TENM2: variants seen among roughly 807,000 people sequenced by gnomAD.
TENM2 encodes teneurin transmembrane protein 2.
TENM2 carries 52 observed loss-of-function variants against 245.2 expected under a neutral mutation model. That is an observed-to-expected ratio of 0.21 (90% CI 0.17 to 0.27). The LOEUF is 0.27. Among genes scored for constraint, TENM2 ranks in the 10% least tolerant of loss-of-function variants. The pLI, the probability that TENM2 is intolerant of heterozygous loss-of-function variation, is 1.00. For synonymous variants in TENM2, 1,363 were observed against 1,438.9 expected (o/e 0.95, Z 1.19); for missense variants, 3,046 against 3,666.8 (o/e 0.83, Z 4.37).
intron 5 of TENM2, among the ~76,000 whole-genome samples, chr5:168,021,982 A>G (rs1007198218): frequency 6.6e-6 from 1 of 152,210 alleles, no homozygotes; most frequent in Non-Finnish European, 1.5e-5. Flanking sequence ...AGATACTGTC[A>G]TCAACTGCAT....
rs1759076077 is a variant in TENM2, at chr5:167,353,497, G to GTTGTTT, written c.227-21698_227-21693dup. On this transcript the variant is annotated intron_variant, in intron 1 of 28. Transcript: ENST00000518659. The stretch of plus-strand genomic sequence containing the variant: ...GTATATGGTGTTTTTTGTTGTTGTT[G>GTTGTTT]TTGTTTTTTTTTTTTTTTTTTTTTT... 9.1e-4 allele frequency among the ~76,000 whole-genome samples: 63 copies of GTTGTTT among 68,940 alleles called. 2 individuals carry two copies. The highest frequency in any genetic ancestry group is 3.2e-3 in the African/African-American group (58 of 18,024). The allele number at this position is 68,940 out of a possible 152,430, so 45.2% of individuals were successfully genotyped here.
chr5:167,458,605 C>T (rs767336612), intron 2 of TENM2, among the ~76,000 whole-genome samples: 2 of 150,906 alleles, frequency 1.3e-5, no homozygotes, highest in African/African-American at 4.9e-5. Flanking sequence ...GTAAAGCTGA[C>T]GTCATGCATA....
At chr5:167,584,839 C>T (rs1025263270) in intron 2 of TENM2, among the ~76,000 whole-genome samples, 18 of 151,934 alleles carry the variant, frequency 1.2e-4, no homozygotes, top group African/African-American at 4.4e-4. Context: ...GGACTACAGG[C>T]GCCCGCCACC....
At chr5:167,234,229 C>A in the TENM2 span, among the ~76,000 whole-genome samples, 1 of 152,172 alleles carries the variant, frequency 6.6e-6, no homozygotes, top group African/African-American at 2.4e-5. Context: ...CTAAGGGAAA[C>A]AAATCAATTT....
chr5:168,026,396 G>A (rs1030875733), intron 5 of TENM2, among the ~76,000 whole-genome samples: 3 of 152,188 alleles, frequency 2.0e-5, no homozygotes, highest in Admixed American at 6.5e-5. Flanking sequence ...AAGAGATGCC[G>A]ACTTATGGAG....
At chr5:167,944,491 T>A (rs1779448925) in intron 3 of TENM2, among the ~76,000 whole-genome samples, 1 of 152,054 alleles carries the variant, frequency 6.6e-6, no homozygotes, top group Non-Finnish European at 1.5e-5. Context: ...GGGAAGATCT[T>A]TTTAAGTGCT....
At chr5:167,996,466 G>A (rs1415712444) in intron 5 of TENM2, among the ~76,000 whole-genome samples, 1 of 152,190 alleles carries the variant, frequency 6.6e-6, no homozygotes, top group Non-Finnish European at 1.5e-5. Flanking sequence ...TACTGGTTTA[G>A]GAGAATTTTT....
the TENM2 span, among the ~76,000 whole-genome samples, chr5:167,097,690 A>G: frequency 6.6e-6 from 1 of 152,210 alleles, no homozygotes; most frequent in African/African-American, 2.4e-5. Flanking sequence ...TATGTACTCC[A>G]AAGTAGAGAA....
chr5:167,229,442 G>A, the TENM2 span, among the ~76,000 whole-genome samples: 1 of 152,328 alleles, frequency 6.6e-6, no homozygotes, highest in East Asian at 1.9e-4. Flanking sequence ...TGGGTGTGGT[G>A]TAGGTGCTGG....
intron 2 of TENM2, among the ~76,000 whole-genome samples, chr5:167,799,088 G>A (rs1303609990): frequency 6.6e-6 from 1 of 152,144 alleles, no homozygotes; most frequent in African/African-American, 2.4e-5. Flanking sequence ...AGCCCCTATA[G>A]TGGCCCTCCT....
the TENM2 span, among the ~76,000 whole-genome samples, chr5:167,218,506 C>T: frequency 2.0e-5 from 3 of 152,066 alleles, no homozygotes; most frequent in Non-Finnish European, 4.4e-5. Context: ...GAGCTGCCGT[C>T]TTCTGGGTTT....
At chr5:167,709,095 C>T (rs1758732111) in intron 2 of TENM2, among the ~76,000 whole-genome samples, 1 of 152,092 alleles carries the variant, frequency 6.6e-6, no homozygotes, top group African/African-American at 2.4e-5. Context: ...AGAAACTATG[C>T]CAGAGCTCTG....
intron 2 of TENM2, among the ~76,000 whole-genome samples, chr5:167,856,231 C>T (rs1339054175): frequency 6.6e-6 from 1 of 152,084 alleles, no homozygotes; most frequent in Non-Finnish European, 1.5e-5. Flanking sequence ...ATTGACCAGT[C>T]ACCCCTCCTG....
chr5:167,526,730 C>T (rs1311921211), intron 2 of TENM2, among the ~76,000 whole-genome samples: 1 of 152,030 alleles, frequency 6.6e-6, no homozygotes, highest in Admixed American at 6.6e-5. Context: ...TATTCAATGG[C>T]TAATTGGCTG....
intron 4 of TENM2, among the ~76,000 whole-genome samples, chr5:167,961,077 A>G (rs997406327): frequency 5.9e-5 from 9 of 152,186 alleles, no homozygotes; most frequent in African/African-American, 2.2e-4. Context: ...TTCAGTTAGA[A>G]ATGCAGAAAT....
chr5:167,654,514 A>G (rs1754704304), intron 2 of TENM2, among the ~76,000 whole-genome samples: 3 of 152,232 alleles, frequency 2.0e-5, no homozygotes, highest in South Asian at 2.1e-4. Context: ...AAAGAATTTC[A>G]CATTTTGCAT....
chr5:168,217,052 G>C, intron 22 of TENM2, 130 bp downstream of exon 24: 1 of 1,029,682 alleles, frequency 9.7e-7, no homozygotes, highest in Admixed American at 2.3e-5. Flanking sequence ...GGGGTTGTTT[G>C]GAGAAAGCCT....
intron 2 of TENM2, among the ~76,000 whole-genome samples, chr5:167,704,023 A>G (rs10062974): frequency 0.057 from 8,658 of 152,224 alleles, 567 homozygotes; most frequent in East Asian, 0.29. Context: ...AAGAGAAGAA[A>G]TTCTTTGAGG....
intron 14 of TENM2, among the ~76,000 whole-genome samples, chr5:168,194,168 A>T (rs533434455): frequency 1.6e-3 from 251 of 152,346 alleles, no homozygotes; most frequent in Non-Finnish European, 2.7e-3. Context: ...TGTGTCCAGG[A>T]TGCTGGGAGC....
Sources: gnomAD v4.1 joint callset for allele counts (sites outside exome capture counted in the v4.1 genomes callset) on GRCh38, gnomAD v4.1.1 for gene constraint, MANE v1.5 for transcripts, NCBI Gene and HGNC (gene_info 2026-07-23, HGNC 2026-07-21) for gene names.